The following FSTL4 variants were observed in gnomAD, a reference collection of about 807,000 sequenced individuals.
The protein encoded by FSTL4 is follistatin-related protein 4.
A neutral mutation model predicts 78.2 loss-of-function variants in FSTL4; 28 were observed. The ratio of observed to expected loss-of-function variants is 0.36; its 90% CI spans 0.27 to 0.49. The LOEUF (loss-of-function observed/expected upper bound fraction) is 0.49, where lower values mean the gene tolerates loss of function less well. FSTL4 is among the 20% of genes least tolerant of loss of function. The pLI, the probability that FSTL4 is intolerant of heterozygous loss-of-function variation, is 0.98. For missense variants in FSTL4, 922 were observed against 1,084.9 expected (o/e 0.85, Z 2.11); for synonymous variants, 422 against 440.5 (o/e 0.96, Z 0.53).
chr5:133,794,960 G>A, the FSTL4 span, among the ~76,000 whole-genome samples: 4 of 152,188 alleles, frequency 2.6e-5, no homozygotes, highest in Non-Finnish European at 5.9e-5. Flanking sequence ...AAGCCTGGGG[G>A]GTTTTCTGTC....
At chr5:133,517,422 CAAAAAA>C (rs34374583) in intron 3 of FSTL4, among the ~76,000 whole-genome samples, 2 of 10,604 alleles carry the variant, frequency 1.9e-4, no homozygotes, top group African/African-American at 1.5e-3. Context: ...GACTCCATCT[CAAAAAA>C]AAAAAAAAAA....
chr5:133,261,989 A>C (rs1356805915), intron 6 of FSTL4, among the ~76,000 whole-genome samples: 1 of 144,648 alleles, frequency 6.9e-6, no homozygotes, highest in Non-Finnish European at 1.5e-5. Flanking sequence ...AGTGAGACCT[A>C]GTCTCAAAAA....
the FSTL4 span, among the ~76,000 whole-genome samples, chr5:133,710,546 C>T: frequency 6.6e-6 from 1 of 152,310 alleles, no homozygotes; most frequent in Middle Eastern, 3.4e-3. Context: ...TCATGGGGCA[C>T]AAACCCACCT....
intron 3 of FSTL4, among the ~76,000 whole-genome samples, chr5:133,422,090 A>G (rs943596945): frequency 3.9e-5 from 6 of 151,960 alleles, no homozygotes; most frequent in Admixed American, 6.6e-5. Flanking sequence ...CTCGGGTGGG[A>G]GTGAATTTGA....
rs937274697 is a variant in FSTL4, at chr5:133,400,823, A to G, written c.324T>C (p.Tyr108=). 2 of 1,614,014 alleles carry G rather than the reference A, an allele frequency of 1.2e-6. No homozygotes were observed. The highest frequency in any genetic ancestry group is 8.5e-7 in the Non-Finnish European group (1 of 1,179,950). The change falls in exon 4 of 16, where the codon TAT becomes TAC. Residue 108 remains tyrosine, a synonymous_variant. Coordinates refer to ENST00000265342, the MANE Select transcript of FSTL4 (RefSeq NM_015082.2). ...VPVCGSDGRF[Y]ENHCKLHRAA... is the part of the protein sequence containing the mutation. ...CACGGTGGAGCTTACAGTGGTTTTCATAAAACCTCCCATCAGAGCCGCACA... is the reference window on the plus strand; with the variant it reads ...CACGGTGGAGCTTACAGTGGTTTTCGTAAAACCTCCCATCAGAGCCGCACA...
chr5:133,374,747 T>C (rs1755392124), intron 4 of FSTL4, among the ~76,000 whole-genome samples: 1 of 152,140 alleles, frequency 6.6e-6, no homozygotes, highest in South Asian at 2.1e-4. Context: ...CTCTCTACCA[T>C]GTGAGGTCAC....
At position 133,225,634 on chromosome 5, in the gene FSTL4, A is replaced by G; in HGVS notation, c.1177+24T>C. 6.5e-7 allele frequency: 1 copy of G among 1,535,952 alleles called. No homozygotes were observed. Among genetic ancestry groups the G allele is most frequent in the Non-Finnish European group, 8.8e-7 (1 of 1,138,872 alleles). The stretch of plus-strand genomic sequence containing the variant: ...TGATTTGAATGGGAATATCGCATAG[A>G]CGTCTACCAAGGGCAGTTCTTACCT... On this transcript the variant is annotated intron_variant, in intron 9 of 15. Transcript: ENST00000265342. This position sits in a 1 kb window ranked among gnomAD's most constrained non-coding sequence, Gnocchi z 4.6.
Position 133,306,791 on chromosome 5 carries a change from C to A in FSTL4, c.727+5863G>T, listed in dbSNP as rs186054045. On this transcript the variant is annotated intron_variant, in intron 6 of 15. Coordinates refer to ENST00000265342, the MANE Select transcript of FSTL4 (RefSeq NM_015082.2). ...ACCAAGGCCTTCCTGGGTGCCATAC[C>A]CCATGCTGAGCAGGAGTGCAGGATG... Among the ~76,000 whole-genome samples, 4 of 152,232 alleles carry A rather than the reference C, an allele frequency of 2.6e-5. No individual in the cohort carries two copies. In the East Asian group the frequency reaches 7.7e-4, roughly 29 times the overall value.
At chr5:133,382,045 A>C (rs1100636) in intron 4 of FSTL4, among the ~76,000 whole-genome samples, 91,626 of 152,148 alleles carry the variant, frequency 0.6, 28,882 homozygotes, top group Middle Eastern at 0.71. Context: ...CCCCTTCCCC[A>C]TCCTGCACTT....
chr5:133,660,281 TA>T, the FSTL4 span, among the ~76,000 whole-genome samples: 1 of 152,044 alleles, frequency 6.6e-6, no homozygotes, highest in Admixed American at 6.5e-5. Flanking sequence ...ATCAGCAGCT[TA>T]AAAAGCAATT....
At chr5:133,533,704 C>A (rs1220285454) in intron 3 of FSTL4, among the ~76,000 whole-genome samples, 1 of 152,202 alleles carries the variant, frequency 6.6e-6, no homozygotes, top group Non-Finnish European at 1.5e-5. Context: ...ACATTCGCTT[C>A]ATCAGCAACC....
chr5:133,221,910 T>TTTTTTTTTTTG (rs1751135897), intron 11 of FSTL4, among the ~76,000 whole-genome samples: 2 of 115,192 alleles, frequency 1.7e-5, no homozygotes, highest in African/African-American at 4.4e-5. Flanking sequence ...TTTTTTTTTT[T>TTTTTTTTTTTG]TTTTTTTTTT....
At chr5:133,240,534 C>G (rs1027870750) in intron 7 of FSTL4, among the ~76,000 whole-genome samples, 4 of 152,126 alleles carry the variant, frequency 2.6e-5, no homozygotes, top group African/African-American at 9.7e-5. Context: ...TGAGAGAAGC[C>G]ACTGTGGGGA....
intron 3 of FSTL4, among the ~76,000 whole-genome samples, chr5:133,467,279 T>A (rs549789206): frequency 6.6e-6 from 1 of 151,834 alleles, no homozygotes; most frequent in East Asian, 1.9e-4. Context: ...TGTGTGTGTG[T>A]GTGAGTGTGT....
At chr5:133,320,117 G>A (rs1754010389) in intron 4 of FSTL4, among the ~76,000 whole-genome samples, 1 of 152,158 alleles carries the variant, frequency 6.6e-6, no homozygotes, top group Non-Finnish European at 1.5e-5. Context: ...CACAGGGCTT[G>A]AGGTGGAGTG....
intron 13 of FSTL4, 66 bp from the exon 14 acceptor site, chr5:133,210,364 T>C (rs1750668160): frequency 3.2e-6 from 3 of 944,150 alleles, no homozygotes; most frequent in South Asian, 1.3e-5. Flanking sequence ...GTTGTATGCA[T>C]GGGCATCACT....
At chr5:133,744,303 C>T in the FSTL4 span, among the ~76,000 whole-genome samples, 1 of 152,230 alleles carries the variant, frequency 6.6e-6, no homozygotes, top group Non-Finnish European at 1.5e-5. Context: ...ATGGAATCCA[C>T]TCGTTCCTCT....
intron 4 of FSTL4, among the ~76,000 whole-genome samples, chr5:133,385,030 A>C (rs1755665883): frequency 6.6e-6 from 1 of 152,116 alleles, no homozygotes; most frequent in Non-Finnish European, 1.5e-5. Flanking sequence ...TGTTCCTTCC[A>C]TAACAGACTG....
intron 6 of FSTL4, among the ~76,000 whole-genome samples, chr5:133,286,087 G>A (rs1753122858): frequency 6.6e-6 from 1 of 152,204 alleles, no homozygotes; most frequent in South Asian, 2.1e-4. Flanking sequence ...ACATGGTCAC[G>A]ACACAAGGCT....
Sources: gnomAD v4.1 joint callset for allele counts (sites outside exome capture counted in the v4.1 genomes callset) on GRCh38, gnomAD v4.1.1 for gene constraint, Gnocchi (gnomAD v3.1) non-coding constraint, MANE v1.5 for transcripts, NCBI Gene and HGNC (gene_info 2026-07-23, HGNC 2026-07-21) for gene names.